MAGI2: variants seen among roughly 807,000 people sequenced by gnomAD.
The protein encoded by MAGI2 is membrane associated guanylate kinase, WW and PDZ domain containing 2.
A neutral mutation model predicts 133.3 loss-of-function variants in MAGI2; 35 were observed. That is an observed-to-expected ratio of 0.26 (90% CI 0.20 to 0.35). The LOEUF (loss-of-function observed/expected upper bound fraction) is 0.35. Among genes scored for constraint, MAGI2 ranks in the 10% least tolerant of loss-of-function variants. The pLI is 1.00. For missense variants in MAGI2, 1,636 were observed against 1,863.4 expected, an observed-to-expected ratio of 0.88 and a Z score of 2.25; for synonymous variants, 729 against 710.6, an observed-to-expected ratio of 1.03 and a Z score of -0.41.
intron 2 of MAGI2, among the ~76,000 whole-genome samples, chr7:78,681,203 G>T (rs1372132837): frequency 6.6e-6 from 1 of 152,010 alleles, no homozygotes; most frequent in Non-Finnish European, 1.5e-5. Flanking sequence ...GGGTGAAACT[G>T]CCCCTGTTTG....
chr7:79,293,150 T>C (rs1199653576), intron 1 of MAGI2, among the ~76,000 whole-genome samples: 1 of 152,210 alleles, frequency 6.6e-6, no homozygotes, highest in East Asian at 1.9e-4. Flanking sequence ...TCAGACCCTT[T>C]GTTTTCTATG....
chr7:79,104,023 G>A (rs918855940), intron 1 of MAGI2, among the ~76,000 whole-genome samples: 1 of 152,124 alleles, frequency 6.6e-6, no homozygotes, highest in African/African-American at 2.4e-5. Flanking sequence ...TTAAGTGGTG[G>A]CTACATGGTT....
intron 2 of MAGI2, among the ~76,000 whole-genome samples, chr7:78,861,110 G>C (rs1363841287): frequency 6.6e-6 from 1 of 152,164 alleles, no homozygotes; most frequent in Non-Finnish European, 1.5e-5. Flanking sequence ...GTATTAGGGT[G>C]GGAGTGTCCC....
intron 6 of MAGI2, among the ~76,000 whole-genome samples, chr7:78,441,304 C>G (rs1485964554): frequency 1.3e-5 from 2 of 152,142 alleles, no homozygotes; most frequent in African/African-American, 2.4e-5. Context: ...TCTGACCTAC[C>G]ATGCCACGAA....
chr7:78,750,351 C>T (rs530280722), intron 2 of MAGI2, among the ~76,000 whole-genome samples: 4 of 152,178 alleles, frequency 2.6e-5, no homozygotes, highest in East Asian at 1.9e-4. Context: ...TATGTGTGTA[C>T]GTGTGCATGT....
At chr7:78,258,718 T>A (rs545064695) in intron 9 of MAGI2, among the ~76,000 whole-genome samples, 1 of 152,352 alleles carries the variant, frequency 6.6e-6, no homozygotes, top group Admixed American at 6.5e-5. Context: ...CTGTAACTTT[T>A]CTTAAAATAT....
At chr7:78,593,372 A>T (rs1004455746) in intron 3 of MAGI2, among the ~76,000 whole-genome samples, 1 of 152,038 alleles carries the variant, frequency 6.6e-6, no homozygotes, top group African/African-American at 2.4e-5. Flanking sequence ...AGCCTGGGCG[A>T]CAGAGCGAGA....
intron 1 of MAGI2, among the ~76,000 whole-genome samples, chr7:79,183,126 G>A (rs190228305): frequency 1.3e-5 from 2 of 151,932 alleles, no homozygotes; most frequent in Admixed American, 6.6e-5. Flanking sequence ...AAGTTCTAAT[G>A]TTTGATAGCA....
intron 2 of MAGI2, among the ~76,000 whole-genome samples, chr7:78,783,767 A>G (rs1826584611): frequency 6.6e-6 from 1 of 152,218 alleles, no homozygotes; most frequent in Non-Finnish European, 1.5e-5. Flanking sequence ...GCAGTGCTGT[A>G]CTGACGAACA....
At chr7:79,241,526 G>A (rs905513436) in intron 1 of MAGI2, among the ~76,000 whole-genome samples, 20 of 152,144 alleles carry the variant, frequency 1.3e-4, no homozygotes, top group African/African-American at 4.6e-4. Context: ...CTGGGGACAG[G>A]CCAAGTTAAC....
intron 1 of MAGI2, among the ~76,000 whole-genome samples, chr7:79,025,630 A>G (rs1809809188): frequency 6.9e-6 from 1 of 143,918 alleles, no homozygotes; most frequent in Admixed American, 7.0e-5. Context: ...CCGTAAAAAG[A>G]ATTAGAACGT....
At chr7:79,236,403 G>A (rs549182535) in intron 1 of MAGI2, among the ~76,000 whole-genome samples, 174 of 152,344 alleles carry the variant, frequency 1.1e-3, no homozygotes, top group Admixed American at 3.5e-3. Context: ...GGGTTAGCAT[G>A]AGGGATTGGA....
At chr7:79,359,365 C>T (rs1206808390) in intron 1 of MAGI2, among the ~76,000 whole-genome samples, 1 of 151,852 alleles carries the variant, frequency 6.6e-6, no homozygotes, top group African/African-American at 2.4e-5. Flanking sequence ...AATAAATGAT[C>T]CAACTTTCAT....
chr7:78,585,751 A>G (rs1803332579), intron 3 of MAGI2, among the ~76,000 whole-genome samples: 1 of 152,210 alleles, frequency 6.6e-6, no homozygotes, highest in Admixed American at 6.5e-5. Context: ...TAGATGTGAC[A>G]CCACATATCA....
intron 1 of MAGI2, among the ~76,000 whole-genome samples, chr7:79,179,613 T>C (rs1175225656): frequency 6.6e-6 from 1 of 151,982 alleles, no homozygotes; most frequent in Non-Finnish European, 1.5e-5. Context: ...AACCCAGGAA[T>C]AAATCTACAT....
At chr7:78,029,025 A>C (rs1002883664) in intron 21 of MAGI2, among the ~76,000 whole-genome samples, 1 of 152,110 alleles carries the variant, frequency 6.6e-6, no homozygotes, top group Non-Finnish European at 1.5e-5. Context: ...CTGTTATATT[A>C]ATAACCTTAT....
intron 15 of MAGI2, among the ~76,000 whole-genome samples, chr7:78,162,547 A>G (rs1400030759): frequency 2.6e-5 from 4 of 151,728 alleles, no homozygotes; most frequent in Admixed American, 6.6e-5. Flanking sequence ...CAAAAAACAA[A>G]AACGAAAGAA....
At chr7:79,286,247 A>T (rs1291128032) in intron 1 of MAGI2, among the ~76,000 whole-genome samples, 1 of 152,070 alleles carries the variant, frequency 6.6e-6, no homozygotes, top group East Asian at 1.9e-4. Context: ...TAATAAATAT[A>T]AAGTCTTTAG....
chr7:78,957,226 T>C lies in MAGI2; in HGVS notation c.418+49864A>G, dbSNP rs149041916. Among the ~76,000 whole-genome samples, 1,275 of 140,968 alleles carry C rather than the reference T, an allele frequency of 9.0e-3. 23 individuals are homozygous for C. The highest frequency in any genetic ancestry group is 0.033 in the African/African-American group (1,208 of 36,970). 92.5% of individuals were successfully genotyped at this position (140,968 alleles called of 152,430 possible). ...GTTGCAGTCAGCCAAGATTGCGCCA[T>C]TGCACTCCAGCCTGGGTGACAGAGT... On this transcript the variant is annotated intron_variant, in intron 2 of 21. Transcript: ENST00000354212.
Sources: allele counts gnomAD v4.1 joint callset (sites outside exome capture counted in the v4.1 genomes callset), GRCh38; gene constraint gnomAD v4.1.1; transcripts MANE v1.5; gene names NCBI Gene and HGNC (gene_info 2026-07-23, HGNC 2026-07-21).